Variants in KIRREL3 observed in about 807,000 individuals in gnomAD.
KIRREL3 encodes the protein kin of IRRE-like protein 3.
In KIRREL3, 36 loss-of-function variants were observed where a neutral mutation model predicts 89.7. The observed-to-expected ratio is 0.40, with a 90% CI of 0.31 to 0.53. KIRREL3 has a LOEUF of 0.53. KIRREL3 is among the 20% of genes least tolerant of loss of function. The pLI, the probability that KIRREL3 is intolerant of heterozygous loss-of-function variation, is 0.49. For synonymous variants in KIRREL3, 445 were observed against 441.4 expected, an observed-to-expected ratio of 1.01 and a Z score of -0.10; for missense variants, 864 against 1,056.6, an observed-to-expected ratio of 0.82 and a Z score of 2.53.
At chr11:126,618,467 A>G (rs1943444941) in intron 1 of KIRREL3, among the ~76,000 whole-genome samples, 3 of 152,100 alleles carry the variant, frequency 2.0e-5, no homozygotes, top group Admixed American at 6.6e-5. Context: ...TCATTCTGTC[A>G]TCTGTCACCC....
intron 4 of KIRREL3, among the ~76,000 whole-genome samples, chr11:126,499,442 G>A (rs1385976624): frequency 6.6e-6 from 1 of 152,120 alleles, no homozygotes; most frequent in Admixed American, 6.6e-5. Flanking sequence ...ACCCTGCATG[G>A]TTCTGTTCCT....
intron 2 of KIRREL3, among the ~76,000 whole-genome samples, chr11:126,536,946 C>T (rs1463761604): frequency 6.6e-6 from 1 of 152,064 alleles, no homozygotes; most frequent in Non-Finnish European, 1.5e-5. Context: ...GCACCCAACC[C>T]CTGTGCAGTT....
rs1239739995 is a variant in KIRREL3, at chr11:126,697,191, C to A, written c.56-134279G>T. Reference sequence around the variant, plus strand: ...AGACCTGTGTTCACCTGGCTCACAGCCCTCCTTAATTACAATTGTAATTGT... The same window carrying A: ...AGACCTGTGTTCACCTGGCTCACAGACCTCCTTAATTACAATTGTAATTGT... On this transcript the variant is annotated intron_variant, in intron 1 of 16. Transcript: ENST00000525144. This position sits in a 1 kb window ranked among gnomAD's most constrained non-coding sequence, Gnocchi z 4.2. Among the ~76,000 whole-genome samples, 1 of 152,162 alleles carries A rather than the reference C, an allele frequency of 6.6e-6. No homozygotes were observed. The highest frequency in any genetic ancestry group is 1.9e-4 in the East Asian group (1 of 5,176).
rs1174853094 is a variant in KIRREL3, at chr11:126,705,068, A to G, written c.56-142156T>C. ...TGAATATAGCTTTTTATGGCTCAAG[A>G]CATAGGTTTGGTTTTCTTAAAAAAA... On this transcript the variant is annotated intron_variant, in intron 1 of 16. Coordinates refer to ENST00000525144, the MANE Select transcript of KIRREL3 (RefSeq NM_032531.4). This position sits in a 1 kb window ranked among gnomAD's most constrained non-coding sequence, Gnocchi z 4.3. Among the ~76,000 whole-genome samples, 2 of 152,192 alleles carry G rather than the reference A, an allele frequency of 1.3e-5. No homozygotes were observed. The highest frequency in any genetic ancestry group is 1.5e-5 in the Non-Finnish European group (1 of 68,018).
Position 126,531,536 on chromosome 11 carries a change from C to G in KIRREL3, c.134-4849G>C, listed in dbSNP as rs1274138813. ...GAGTTCTCCTCGATGTTTCATTGTC[C>G]TGGGATGCACTGCATCCCCCCACCC... On this transcript the variant is annotated intron_variant, in intron 2 of 16. Transcript: ENST00000525144. This position sits in a 1 kb window ranked among gnomAD's most constrained non-coding sequence, Gnocchi z 4.7. Among the ~76,000 whole-genome samples the G allele has an allele frequency of 6.6e-6, 1 of 152,118 alleles. No individual in the cohort carries two copies. The highest frequency in any genetic ancestry group is 1.5e-5 in the Non-Finnish European group (1 of 68,020).
rs1312821311 is a variant in KIRREL3, at chr11:126,883,164, T to G, written c.55+117291A>C. Among the ~76,000 whole-genome samples the G allele has an allele frequency of 6.6e-6, 1 of 152,230 alleles. No homozygotes were observed. The highest frequency in any genetic ancestry group is 1.9e-4 in the East Asian group (1 of 5,200). On this transcript the variant is annotated intron_variant, in intron 1 of 16. Coordinates refer to ENST00000525144, the MANE Select transcript of KIRREL3 (RefSeq NM_032531.4). The surrounding 1 kb of genome is among the most constrained non-coding windows in gnomAD (Gnocchi z 4.1). ...AATTAATTGAGTCAGATACTGAATC[T>G]GGAGCCTAACTCCTTGGCAGCTGAG...
rs1480163032 is a variant in KIRREL3, at chr11:126,463,994, A to G, written c.592-687T>C. Among the ~76,000 whole-genome samples the G allele has an allele frequency of 6.6e-6, 1 of 152,184 alleles. No homozygotes were observed. The highest frequency in any genetic ancestry group is 2.4e-5 in the African/African-American group (1 of 41,440). On this transcript the variant is annotated intron_variant, in intron 5 of 16. Transcript: ENST00000525144. The surrounding 1 kb of genome is among the most constrained non-coding windows in gnomAD (Gnocchi z 5.9). ...GGCTATGGAGCTTGACCAAACTCACATTTCAAGTTGGTCCTGAAATAAGTA... is the reference window on the plus strand; with the variant it reads ...GGCTATGGAGCTTGACCAAACTCACGTTTCAAGTTGGTCCTGAAATAAGTA...
chr11:126,621,836 T>C (rs895167623), intron 1 of KIRREL3, among the ~76,000 whole-genome samples: 3 of 152,248 alleles, frequency 2.0e-5, no homozygotes, highest in Non-Finnish European at 2.9e-5. Context: ...TTTAATGCCT[T>C]GCATTACATT....
chr11:126,707,632 A>G (rs938445525), intron 1 of KIRREL3, among the ~76,000 whole-genome samples: 1 of 152,196 alleles, frequency 6.6e-6, no homozygotes, highest in African/African-American at 2.4e-5. Flanking sequence ...TGTTGGAGCC[A>G]GGGGCTAAAG....
chr11:126,446,275 T>TCC (rs1565457724), intron 9 of KIRREL3, among the ~76,000 whole-genome samples: 31 of 130,594 alleles, frequency 2.4e-4, no homozygotes, highest in Admixed American at 9.2e-4. Flanking sequence ...TCTCTCTTTC[T>TCC]TTTCTTTCTC....
chr11:126,812,370 G>A lies in KIRREL3; in HGVS notation c.55+188085C>T, dbSNP rs547500567. 6.6e-6 allele frequency among the ~76,000 whole-genome samples: 1 copy of A among 152,224 alleles called. No individual in the cohort carries two copies. Among genetic ancestry groups the A allele is most frequent in the East Asian group, 1.9e-4 (1 of 5,172 alleles). The stretch of plus-strand genomic sequence containing the variant: ...TAACCGTTGGTGGTTTAGGCAGACG[G>A]AACTCCTCTCAGGATTTATTCAGAT... On this transcript the variant is annotated intron_variant, in intron 1 of 16. Coordinates refer to ENST00000525144, the MANE Select transcript of KIRREL3 (RefSeq NM_032531.4). This position sits in a 1 kb window ranked among gnomAD's most constrained non-coding sequence, Gnocchi z 5.2.
chr11:126,544,515 G>C lies in KIRREL3; in HGVS notation c.134-17828C>G, dbSNP rs1449306236. On this transcript the variant is annotated intron_variant, in intron 2 of 16. Transcript: ENST00000525144. The surrounding 1 kb of genome is among the most constrained non-coding windows in gnomAD (Gnocchi z 5.6). The stretch of plus-strand genomic sequence containing the variant: ...TGATTTATTGCAGGATGATAGGTCT[G>C]GGACTGGGGGTGGGACTGCCCGGGG... Among the ~76,000 whole-genome samples the C allele has an allele frequency of 6.6e-6, 1 of 152,174 alleles. No individual in the cohort carries two copies. Among genetic ancestry groups the C allele is most frequent in the African/African-American group, 2.4e-5 (1 of 41,438 alleles).
rs1437343880 is a variant in KIRREL3, at chr11:126,615,095, C to G, written c.56-52183G>C. On this transcript the variant is annotated intron_variant, in intron 1 of 16. Coordinates refer to ENST00000525144, the MANE Select transcript of KIRREL3 (RefSeq NM_032531.4). This position sits in a 1 kb window ranked among gnomAD's most constrained non-coding sequence, Gnocchi z 5.4. ...ATGCTCTGGGGGGCTGAACTCAGGT[C>G]TGTGGGTAGAGAGTCAGGGAAAGAC... Among the ~76,000 whole-genome samples the G allele has an allele frequency of 2.0e-5, 3 of 152,068 alleles. No individual in the cohort carries two copies. Among genetic ancestry groups the G allele is most frequent in the African/African-American group, 7.2e-5 (3 of 41,404 alleles).
intron 1 of KIRREL3, among the ~76,000 whole-genome samples, chr11:126,803,256 C>T (rs1332516590): frequency 1.3e-5 from 2 of 152,112 alleles, no homozygotes; most frequent in East Asian, 3.9e-4. Context: ...AAAGGCCACA[C>T]AGGGATGAAC....
Position 126,624,933 on chromosome 11 carries a change from G to C in KIRREL3, c.56-62021C>G, listed in dbSNP as rs638738. Among the ~76,000 whole-genome samples, 1 of 152,058 alleles carries C rather than the reference G, an allele frequency of 6.6e-6. No homozygotes were observed. The highest frequency in any genetic ancestry group is 1.5e-5 in the Non-Finnish European group (1 of 68,014). ...GGGTGGGGCAGGGACTGCTGATGGC[G>C]TTTCCTAGTCACTCATCACAAGGTC... On this transcript the variant is annotated intron_variant, in intron 1 of 16. Coordinates refer to ENST00000525144, the MANE Select transcript of KIRREL3 (RefSeq NM_032531.4). This position sits in a 1 kb window ranked among gnomAD's most constrained non-coding sequence, Gnocchi z 6.0.
rs138008113 is a variant in KIRREL3 at position 126,782,810 on chromosome 11, C to T, written c.55+217645G>A. On this transcript the variant is annotated intron_variant, in intron 1 of 16. Coordinates refer to ENST00000525144, the MANE Select transcript of KIRREL3 (RefSeq NM_032531.4). This position sits in a 1 kb window ranked among gnomAD's most constrained non-coding sequence, Gnocchi z 4.1. The stretch of plus-strand genomic sequence containing the variant: ...ATGTATATGTGAGGGCTAATATACA[C>T]ACAGATATTTCCCAGCTATATCTCC... Among the ~76,000 whole-genome samples the T allele has an allele frequency of 2.0e-3, 304 of 152,276 alleles. No homozygotes were observed. Among genetic ancestry groups the T allele is most frequent in the Non-Finnish European group, 3.5e-3 (239 of 68,020 alleles).
chr11:126,726,031 T>C (rs1007515020), intron 1 of KIRREL3, among the ~76,000 whole-genome samples: 1 of 152,160 alleles, frequency 6.6e-6, no homozygotes, highest in African/African-American at 2.4e-5. Flanking sequence ...AAGATAAGCA[T>C]GGAAACATGT....
intron 1 of KIRREL3, among the ~76,000 whole-genome samples, chr11:126,661,408 C>T (rs1034997180): frequency 3.9e-5 from 6 of 152,160 alleles, no homozygotes; most frequent in African/African-American, 1.2e-4. Context: ...CAAATAACGA[C>T]GAGAGATGAA....
At position 126,473,380 on chromosome 11, in the gene KIRREL3, T is replaced by C. The variant is rs1324449878; in HGVS notation, c.520A>G (p.Asn174Asp). 1 of 1,582,424 alleles carries C rather than the reference T, an allele frequency of 6.3e-7. No individual in the cohort carries two copies. The highest frequency in any genetic ancestry group is 8.6e-7 in the Non-Finnish European group (1 of 1,165,210). The change falls in exon 5 of 17, where the codon AAT (asparagine) becomes GAT (aspartate). Residue 174 changes from asparagine (N) to aspartate (D), a missense_variant. Physicochemically the swap from Asn to Asp is conservative, Grantham distance 23 (BLOSUM62 1). Coordinates refer to ENST00000525144, the MANE Select transcript of KIRREL3 (RefSeq NM_032531.4). ...ATGATGGAGGCTGCAGGCTTGGCAT[T>C]GTCTGCGTGGCAGGTGAGGTTGAGA... is the stretch of plus-strand genomic sequence containing the variant. ...DPLNLTCHADNAKPAASIIWL... is the reference protein window; with the variant it reads ...DPLNLTCHADDAKPAASIIWL...
Sources: gnomAD v4.1 joint callset for allele counts (sites outside exome capture counted in the v4.1 genomes callset) on GRCh38, gnomAD v4.1.1 for gene constraint, Gnocchi (gnomAD v3.1) non-coding constraint, MANE v1.5 for transcripts, NCBI Gene and HGNC (gene_info 2026-07-23, HGNC 2026-07-21) for gene names.